The following CHCHD3 variants were observed in gnomAD, a reference collection of about 807,000 sequenced individuals.
The protein encoded by CHCHD3 is coiled-coil-helix-coiled-coil-helix domain containing 3.
CHCHD3 carries 20 observed loss-of-function variants against 38.2 expected under a neutral mutation model. The observed-to-expected ratio is 0.52, with a 90% CI of 0.37 to 0.76. The LOEUF (loss-of-function observed/expected upper bound fraction) is 0.76, where lower values mean the gene tolerates loss of function less well. CHCHD3 is among the 30% of genes least tolerant of loss of function. CHCHD3 has a pLI of 0.00. For missense variants in CHCHD3, 245 were observed against 279.2 expected, an observed-to-expected ratio of 0.88 and a Z score of 0.87; for synonymous variants, 82 against 100.0, an observed-to-expected ratio of 0.82 and a Z score of 1.07.
Position 132,887,041 on chromosome 7 carries a change from T to A in CHCHD3, c.370-1296A>T, listed in dbSNP as rs115909257. The A allele has an allele frequency of 3.0e-3, 3,023 of 991,572 alleles. 70 individuals carry two copies. In the African/African-American group the frequency reaches 0.046, roughly 15 times the overall value. 61.4% of individuals were successfully genotyped at this position (991,572 alleles called of 1,614,324 possible). ...AGTTATTTAACAACATAAGTACTGT[T>A]TTTTCCTAATTTCACACACACACAA... On this transcript the variant is annotated intron_variant, in intron 4 of 7. Transcript: ENST00000262570.
In CHCHD3 at chr7:132,796,235, GTTGTA is replaced by G. The variant is rs1806608535; in HGVS notation, c.660+202_660+206del. Among the ~76,000 whole-genome samples, 19 of 152,284 alleles carry G rather than the reference GTTGTA, an allele frequency of 1.2e-4. No individual in the cohort carries two copies. In the South Asian group the frequency reaches 3.7e-3, roughly 30 times the overall value. On this transcript the variant is annotated intron_variant, in intron 7 of 7. Coordinates refer to ENST00000262570, the MANE Select transcript of CHCHD3 (RefSeq NM_017812.4). ...AATCCTTTTTTCTGCAAGTAAATGA[GTTGTA>G]CATAAGGAAGATATGGGCTCTTTGA...
intron 2 of CHCHD3, among the ~76,000 whole-genome samples, chr7:133,045,396 A>G (rs1342304717): frequency 6.6e-6 from 1 of 152,168 alleles, no homozygotes; most frequent in African/African-American, 2.4e-5. Context: ...TGCTCTACCT[A>G]CCAGTCATCA....
intron 2 of CHCHD3, among the ~76,000 whole-genome samples, chr7:133,052,397 A>G (rs1814194648): frequency 6.6e-6 from 1 of 152,188 alleles, no homozygotes; most frequent in South Asian, 2.1e-4. Flanking sequence ...AAAAACCACC[A>G]CCATCATACT....
intron 4 of CHCHD3, among the ~76,000 whole-genome samples, chr7:132,950,434 A>T (rs1424924622): frequency 2.0e-5 from 3 of 152,206 alleles, no homozygotes; most frequent in African/African-American, 7.2e-5. Flanking sequence ...AACTAAATAA[A>T]TAACGAGCCT....
At chr7:132,805,240 G>A (rs900862506) in intron 6 of CHCHD3, among the ~76,000 whole-genome samples, 1 of 152,066 alleles carries the variant, frequency 6.6e-6, no homozygotes, top group Non-Finnish European at 1.5e-5. Context: ...CAAGGCAACC[G>A]AAGTGTCAAG....
At chr7:132,955,088 G>T (rs1473866573) in intron 4 of CHCHD3, among the ~76,000 whole-genome samples, 1 of 152,002 alleles carries the variant, frequency 6.6e-6, no homozygotes, top group East Asian at 1.9e-4. Context: ...GCCCAGGGAA[G>T]TCATAGGGTC....
At chr7:132,822,005 A>G (rs939929795) in intron 6 of CHCHD3, among the ~76,000 whole-genome samples, 1 of 151,742 alleles carries the variant, frequency 6.6e-6, no homozygotes, top group African/African-American at 2.4e-5. Flanking sequence ...CTCATGATCC[A>G]CCCGCCTCGG....
In CHCHD3 at chr7:133,035,270, A is replaced by G. The variant is rs1584661871; in HGVS notation, c.170-10643T>C. 2.5e-6 allele frequency: 4 copies of G among 1,613,338 alleles called. No individual in the cohort carries two copies. The highest frequency in any genetic ancestry group is 4.5e-5 in the East Asian group (2 of 44,862). On this transcript the variant is annotated intron_variant, in intron 2 of 7. Coordinates refer to ENST00000262570, the MANE Select transcript of CHCHD3 (RefSeq NM_017812.4). The surrounding 1 kb of genome is among the most constrained non-coding windows in gnomAD (Gnocchi z 4.7). The stretch of plus-strand genomic sequence containing the variant: ...GCTGGGTCTCTGCAAACTTTTTAGC[A>G]TCAAACTGGGCCATCTTCTCACACA...
intron 3 of CHCHD3, chr7:133,022,303 C>T (rs1317131994): frequency 2.5e-6 from 1 of 398,088 alleles, no homozygotes; most frequent in African/African-American, 2.1e-5. Context: ...AAAGAGAAAA[C>T]TTGGCACGCA....
intron 4 of CHCHD3, among the ~76,000 whole-genome samples, chr7:132,937,525 G>T (rs537728343): frequency 1.3e-5 from 2 of 152,060 alleles, no homozygotes; most frequent in Admixed American, 1.3e-4. Context: ...AATATTATGG[G>T]GGCTGGAATG....
intron 4 of CHCHD3, among the ~76,000 whole-genome samples, chr7:132,925,056 T>G (rs1013589492): frequency 6.6e-6 from 1 of 152,194 alleles, no homozygotes; most frequent in Non-Finnish European, 1.5e-5. Flanking sequence ...AGAAGGGCTA[T>G]TCTTTCTTTG....
rs13437637 is a variant in CHCHD3, at chr7:133,068,792, A to G, written c.169+1350T>C. Among the ~76,000 whole-genome samples, 1,267 of 152,318 alleles carry G rather than the reference A, an allele frequency of 8.3e-3. 26 individuals are homozygous for G. Among genetic ancestry groups the G allele is most frequent in the African/African-American group, 0.029 (1,198 of 41,572 alleles). On this transcript the variant is annotated intron_variant, in intron 2 of 7. Coordinates refer to ENST00000262570, the MANE Select transcript of CHCHD3 (RefSeq NM_017812.4). ...AAAAGAAAACAAGGATGAATCCCCA[A>G]TTGGGGACCTGACTACCTGTGCCAT...
chr7:133,016,014 C>A (rs953583794), intron 3 of CHCHD3, among the ~76,000 whole-genome samples: 2 of 152,082 alleles, frequency 1.3e-5, no homozygotes, highest in Admixed American at 1.3e-4. Context: ...ACAAGAACAG[C>A]CTTAGGAGGA....
chr7:132,890,767 G>T (rs1809340696), intron 4 of CHCHD3, among the ~76,000 whole-genome samples: 3 of 152,112 alleles, frequency 2.0e-5, no homozygotes, highest in Admixed American at 6.5e-5. Flanking sequence ...AATATAAACA[G>T]GACATCCCTG....
At chr7:132,932,384 A>C (rs1810534781) in intron 4 of CHCHD3, among the ~76,000 whole-genome samples, 1 of 152,232 alleles carries the variant, frequency 6.6e-6, no homozygotes, top group African/African-American at 2.4e-5. Flanking sequence ...ACAGAAAAGA[A>C]TCAAGACAGT....
chr7:132,858,011 G>A (rs930708883), intron 5 of CHCHD3, among the ~76,000 whole-genome samples: 3 of 152,108 alleles, frequency 2.0e-5, no homozygotes, highest in African/African-American at 7.2e-5. Context: ...ATGCTGAGAC[G>A]CATTTGAGCT....
intron 7 of CHCHD3, among the ~76,000 whole-genome samples, chr7:132,794,385 T>C (rs904333780): frequency 6.6e-6 from 1 of 152,076 alleles, no homozygotes; most frequent in Non-Finnish European, 1.5e-5. Flanking sequence ...AACTGGAAAA[T>C]GGTGAAAATA....
chr7:132,988,112 A>T (rs753820310), intron 3 of CHCHD3, among the ~76,000 whole-genome samples: 3 of 152,134 alleles, frequency 2.0e-5, no homozygotes, highest in Non-Finnish European at 4.4e-5. Context: ...TAGGGAGCCA[A>T]AAGTTATATA....
intron 7 of CHCHD3, among the ~76,000 whole-genome samples, chr7:132,794,517 C>A (rs1439686001): frequency 6.6e-6 from 1 of 152,136 alleles, no homozygotes; most frequent in Non-Finnish European, 1.5e-5. Flanking sequence ...TGGTTCTCGT[C>A]CATTTCAATG....
Sources: gnomAD v4.1 joint callset for allele counts (sites outside exome capture counted in the v4.1 genomes callset) on GRCh38, gnomAD v4.1.1 for gene constraint, Gnocchi (gnomAD v3.1) non-coding constraint, MANE v1.5 for transcripts, NCBI Gene and HGNC (gene_info 2026-07-23, HGNC 2026-07-21) for gene names.